The following TMEM232 variants were observed in gnomAD, a reference collection of about 807,000 sequenced individuals.
TMEM232 encodes transmembrane protein 232.
Under a neutral mutation model 78.8 loss-of-function variants are expected in TMEM232, and 80 were observed. That is an observed-to-expected ratio of 1.01 (90% CI 0.85 to 1.22). The LOEUF (loss-of-function observed/expected upper bound fraction) is 1.22. Ranked by LOEUF, TMEM232 falls within the 50% of genes most tolerant of loss-of-function variation. The pLI is 0.00. For synonymous variants in TMEM232, 297 were observed against 254.3 expected (o/e 1.17, Z -1.60); for missense variants, 881 against 742.2 (o/e 1.19, Z -2.17).
intron 10 of TMEM232, among the ~76,000 whole-genome samples, chr5:110,597,412 C>T (rs1403937067): frequency 6.6e-5 from 10 of 152,094 alleles, no homozygotes; most frequent in Non-Finnish European, 1.5e-4. Flanking sequence ...TAGGAAGAAT[C>T]AATATTGTGA....
intron 2 of TMEM232, among the ~76,000 whole-genome samples, chr5:110,654,755 C>A (rs545761734): frequency 6.6e-6 from 1 of 152,112 alleles, no homozygotes; most frequent in African/African-American, 2.4e-5. Context: ...GCCATTTTCA[C>A]GATATTGATT....
chr5:110,420,757 C>G lies in TMEM232; in HGVS notation c.1798-1G>C, dbSNP rs771437058. ...CTCGGATCTTTAGCTCTTCCTGCCA[C>G]TGTTACAGAGAGAAAACGTCATTCA... On this transcript the variant is annotated splice_acceptor_variant, in intron 13 of 13. Coordinates refer to ENST00000455884, the MANE Select transcript of TMEM232 (RefSeq NM_001039763.4). LOFTEE classifies it high-confidence loss of function. The G allele has an allele frequency of 6.6e-6, 10 of 1,516,046 alleles. No individual in the cohort carries two copies. Among genetic ancestry groups the G allele is most frequent in the Non-Finnish European group, 8.8e-6 (10 of 1,140,660 alleles). 93.9% of individuals were successfully genotyped at this position (1,516,046 alleles called of 1,614,324 possible). A position where few individuals can be genotyped will look rare whatever the true frequency, so the allele number is the denominator to read the frequency against.
intron 5 of TMEM232, among the ~76,000 whole-genome samples, chr5:110,631,132 G>T (rs1050859777): frequency 2.6e-5 from 4 of 152,100 alleles, no homozygotes; most frequent in African/African-American, 9.7e-5. Context: ...GCCTACAGTG[G>T]CACAGCATTG....
At chr5:110,408,892 G>C (rs975868050) in intron 2 of TMEM232, among the ~76,000 whole-genome samples, 23 of 152,138 alleles carry the variant, frequency 1.5e-4, no homozygotes, top group African/African-American at 5.1e-4. Flanking sequence ...GAGGATGAGA[G>C]CCATGTATAG....
At chr5:110,469,831 T>A (rs998895293) in intron 12 of TMEM232, among the ~76,000 whole-genome samples, 2 of 152,030 alleles carry the variant, frequency 1.3e-5, no homozygotes, top group Non-Finnish European at 2.9e-5. Context: ...GGGGAAAAAA[T>A]GTAGTGGCTG....
At chr5:110,449,270 A>AATAT (rs918885141) in intron 12 of TMEM232, among the ~76,000 whole-genome samples, 1 of 152,076 alleles carries the variant, frequency 6.6e-6, no homozygotes, top group African/African-American at 2.4e-5. Context: ...ACATGAAGGA[A>AATAT]ATATGCCAAA....
chr5:110,585,372 T>A (rs1461590831), intron 10 of TMEM232, among the ~76,000 whole-genome samples: 1 of 152,078 alleles, frequency 6.6e-6, no homozygotes, highest in Admixed American at 6.6e-5. Flanking sequence ...TTTGTGAAGA[T>A]GATGAAGTAA....
chr5:110,732,949 C>T (rs1798819369), intron 2 of TMEM232, among the ~76,000 whole-genome samples: 1 of 152,082 alleles, frequency 6.6e-6, no homozygotes, highest in South Asian at 2.1e-4. Flanking sequence ...TATCCAGTAT[C>T]TACAAGGAAC....
At chr5:110,705,623 A>G (rs1371208725) in intron 1 of TMEM232, among the ~76,000 whole-genome samples, 1 of 145,020 alleles carries the variant, frequency 6.9e-6, no homozygotes, top group Non-Finnish European at 1.6e-5. Context: ...CAGAAGGTAT[A>G]CATTTGTGGA....
At chr5:110,557,730 G>C (rs759202738) in intron 11 of TMEM232, among the ~76,000 whole-genome samples, 32 of 152,116 alleles carry the variant, frequency 2.1e-4, no homozygotes, top group Non-Finnish European at 4.1e-4. Flanking sequence ...AACAATACTA[G>C]GGGGATGGTG....
intron 11 of TMEM232, among the ~76,000 whole-genome samples, chr5:110,545,830 G>A (rs1044957008): frequency 2.6e-5 from 4 of 152,096 alleles, no homozygotes; most frequent in Admixed American, 2.0e-4. Context: ...TCATATACCA[G>A]ATGGCAGAAA....
At chr5:110,730,230 T>A (rs1222197491), upstream of TMEM232, among the ~76,000 whole-genome samples, 1 of 152,222 alleles carries the variant, frequency 6.6e-6, no homozygotes, top group Non-Finnish European at 1.5e-5. Context: ...ATACTGCAAT[T>A]ACCTTCCTAG....
chr5:110,396,862 A>C (rs1410222627), intron 3 of TMEM232, among the ~76,000 whole-genome samples: 3 of 152,116 alleles, frequency 2.0e-5, no homozygotes, highest in Non-Finnish European at 2.9e-5. Context: ...GGATGTAAGG[A>C]GAACTAGAAA....
intron 12 of TMEM232, among the ~76,000 whole-genome samples, chr5:110,524,155 C>T (rs1016396111): frequency 6.7e-6 from 1 of 148,492 alleles, no homozygotes; most frequent in Non-Finnish European, 1.5e-5. Context: ...CCCAGCTATT[C>T]GGGAGGCTGA....
intron 1 of TMEM232, among the ~76,000 whole-genome samples, chr5:110,687,802 G>A (rs1234180012): frequency 6.6e-6 from 1 of 151,704 alleles, no homozygotes; most frequent in Non-Finnish European, 1.5e-5. Flanking sequence ...GCAAACCTTT[G>A]GTGCAAAATA....
intron 3 of TMEM232, among the ~76,000 whole-genome samples, chr5:110,395,389 C>T (rs1755346140): frequency 6.6e-6 from 1 of 152,120 alleles, no homozygotes; most frequent in South Asian, 2.1e-4. Context: ...GTTCTATATT[C>T]TCCTTTCAGC....
At chr5:110,593,510 C>T (rs560151611) in intron 10 of TMEM232, among the ~76,000 whole-genome samples, 13 of 152,252 alleles carry the variant, frequency 8.5e-5, no homozygotes, top group African/African-American at 3.1e-4. Flanking sequence ...GAGACTCTGT[C>T]TTCTGCAACC....
chr5:110,591,418 A>G (rs1363809988), intron 10 of TMEM232, among the ~76,000 whole-genome samples: 1 of 152,206 alleles, frequency 6.6e-6, no homozygotes, highest in Non-Finnish European at 1.5e-5. Flanking sequence ...TGTACCTTAT[A>G]CATAAATAAA....
chr5:110,504,148 TTTAA>T (rs1368149810), intron 12 of TMEM232, among the ~76,000 whole-genome samples: 30 of 152,172 alleles, frequency 2.0e-4, no homozygotes, highest in Admixed American at 6.5e-5. Context: ...ACAGTATACT[TTTAA>T]TTAATTACTG....
Sources: gnomAD v4.1 joint callset for allele counts (sites outside exome capture counted in the v4.1 genomes callset) on GRCh38, gnomAD v4.1.1 for gene constraint, MANE v1.5 for transcripts, NCBI Gene and HGNC (gene_info 2026-07-23, HGNC 2026-07-21) for gene names.